The following NXPE4 variants were observed in gnomAD, a reference collection of about 807,000 sequenced individuals.
NXPE4 encodes the protein NXPE family member 4.
In NXPE4, 42 loss-of-function variants were observed where a neutral mutation model predicts 33.3. The ratio of observed to expected loss-of-function variants is 1.26; its 90% CI spans 0.98 to 1.63. The LOEUF (loss-of-function observed/expected upper bound fraction) is 1.63, where lower values mean the gene tolerates loss of function less well. NXPE4 is among the 40% of genes most tolerant of loss of function. The pLI, the probability that NXPE4 is intolerant of heterozygous loss-of-function variation, is 0.00. For missense variants in NXPE4, 709 were observed against 647.6 expected, an observed-to-expected ratio of 1.09 and a Z score of -1.03; for synonymous variants, 253 against 234.9, an observed-to-expected ratio of 1.08 and a Z score of -0.71.
chr11:114,651,532 C>T, the NXPE4 span, among the ~76,000 whole-genome samples: 8 of 152,168 alleles, frequency 5.3e-5, no homozygotes, highest in African/African-American at 1.7e-4. Flanking sequence ...GAAGAGAATC[C>T]GAAAAGATTG....
At chr11:114,636,362 T>G in the NXPE4 span, among the ~76,000 whole-genome samples, 10 of 152,074 alleles carry the variant, frequency 6.6e-5, no homozygotes, top group Non-Finnish European at 1.2e-4. Flanking sequence ...CTTTTTTTCT[T>G]TATTAGTCTG....
the NXPE4 span, among the ~76,000 whole-genome samples, chr11:114,617,722 C>T: frequency 7.5e-3 from 1,103 of 147,880 alleles, 13 homozygotes; most frequent in Middle Eastern, 0.018. Context: ...TTACCCAATG[C>T]GTAATAAGTA....
the NXPE4 span, among the ~76,000 whole-genome samples, chr11:114,653,146 A>G: frequency 8.5e-5 from 13 of 152,348 alleles, no homozygotes; most frequent in African/African-American, 2.9e-4. Flanking sequence ...GACTTGTTTT[A>G]TAAGTTTCAA....
chr11:114,655,089 TTC>T, the NXPE4 span, among the ~76,000 whole-genome samples: 1 of 152,190 alleles, frequency 6.6e-6, no homozygotes, highest in African/African-American at 2.4e-5. Flanking sequence ...GAGCTTTTTT[TTC>T]TTCATATGTT....
the NXPE4 span, among the ~76,000 whole-genome samples, chr11:114,663,637 C>CTATCTATCATCT: frequency 0.016 from 2,179 of 138,750 alleles, 19 homozygotes; most frequent in East Asian, 0.018. Context: ...ATCTATCTAT[C>CTATCTATCATCT]ATCTATCCAT....
At chr11:114,578,956 T>G (rs2135210783) in intron 5 of NXPE4, among the ~76,000 whole-genome samples, 1 of 152,320 alleles carries the variant, frequency 6.6e-6, no homozygotes, top group Middle Eastern at 3.4e-3. Flanking sequence ...ATCCATTACT[T>G]CATTTAATCT....
At chr11:114,598,036 A>G (rs764480564), upstream of NXPE4, among the ~76,000 whole-genome samples, 2 of 152,164 alleles carry the variant, frequency 1.3e-5, no homozygotes, top group Admixed American at 6.5e-5. Context: ...ATCAAAATCA[A>G]GTTAGTTACT....
chr11:114,618,597 C>A, the NXPE4 span, among the ~76,000 whole-genome samples: 1 of 151,970 alleles, frequency 6.6e-6, no homozygotes, highest in African/African-American at 2.4e-5. Context: ...ACAACTGTTA[C>A]CCTGTGGATA....
At chr11:114,664,084 A>G in the NXPE4 span, among the ~76,000 whole-genome samples, 1,386 of 152,322 alleles carry the variant, frequency 9.1e-3, 19 homozygotes, top group African/African-American at 0.032. Context: ...GATTATTTAT[A>G]GAGGTTTTAT....
At chr11:114,650,855 G>C in the NXPE4 span, among the ~76,000 whole-genome samples, 3 of 151,998 alleles carry the variant, frequency 2.0e-5, no homozygotes. Context: ...TCTCACTGCT[G>C]CCCTACCCCA....
the NXPE4 span, among the ~76,000 whole-genome samples, chr11:114,670,307 G>T: frequency 1.3e-5 from 2 of 152,024 alleles, no homozygotes; most frequent in Admixed American, 1.3e-4. Flanking sequence ...AGATGATTGT[G>T]TGCATGCCCA....
the NXPE4 span, among the ~76,000 whole-genome samples, chr11:114,662,183 C>A: frequency 2.0e-5 from 3 of 152,106 alleles, no homozygotes; most frequent in African/African-American, 7.2e-5. Context: ...CCACCATCAA[C>A]CCCCAGCATT....
the NXPE4 span, among the ~76,000 whole-genome samples, chr11:114,608,199 C>A: frequency 1.3e-5 from 2 of 151,746 alleles, no homozygotes; most frequent in African/African-American, 4.8e-5. Flanking sequence ...ACCATGGTTA[C>A]CCGGTGGATA....
At chr11:114,615,421 ATAAG>A in the NXPE4 span, among the ~76,000 whole-genome samples, 1 of 151,956 alleles carries the variant, frequency 6.6e-6, no homozygotes, top group South Asian at 2.1e-4. Flanking sequence ...CCTATGGAGA[ATAAG>A]TAATGCCTCA....
chr11:114,653,237 CA>C, the NXPE4 span, among the ~76,000 whole-genome samples: 3 of 152,100 alleles, frequency 2.0e-5, no homozygotes, highest in Non-Finnish European at 2.9e-5. Flanking sequence ...ACTGGAGGTG[CA>C]AAAGGCAATG....
chr11:114,586,425 C>T (rs993483752), intron 2 of NXPE4, among the ~76,000 whole-genome samples: 1 of 152,112 alleles, frequency 6.6e-6, no homozygotes, highest in African/African-American at 2.4e-5. Flanking sequence ...ATTTCAAGGC[C>T]TTCTGCTCTC....
the NXPE4 span, among the ~76,000 whole-genome samples, chr11:114,638,191 C>G: frequency 7.2e-5 from 11 of 151,934 alleles, no homozygotes; most frequent in East Asian, 1.9e-3. Context: ...CTAAACTTCC[C>G]TTCTCGCTTC....
intron 2 of NXPE4, chr11:114,583,768 T>C (rs1395716037): frequency 8.5e-6 from 4 of 468,206 alleles, no homozygotes; most frequent in Admixed American, 2.4e-5. Flanking sequence ...GGGTGTTGTA[T>C]GTTGACGTTG....
chr11:114,571,485 T>C lies in NXPE4; in HGVS notation c.1100-12A>G, dbSNP rs768828385. The stretch of plus-strand genomic sequence containing the variant: ...CACTGACTTCAGTGCTGATAACAAA[T>C]AGGCAATCCCAAAATAAAAGGAGGA... On this transcript the variant is annotated splice_polypyrimidine_tract_variant and intron_variant, in intron 5 of 5. Coordinates refer to ENST00000375478, the MANE Select transcript of NXPE4 (RefSeq NM_001077639.2). 3.2e-6 allele frequency: 5 copies of C among 1,575,344 alleles called. No homozygotes were observed. The highest frequency in any genetic ancestry group is 4.3e-6 in the Non-Finnish European group (5 of 1,158,688).
Sources: allele counts gnomAD v4.1 joint callset (sites outside exome capture counted in the v4.1 genomes callset), GRCh38; gene constraint gnomAD v4.1.1; transcripts MANE v1.5; gene names NCBI Gene and HGNC (gene_info 2026-07-23, HGNC 2026-07-21).